The following DUSP22 variants were observed in gnomAD, a reference collection of about 807,000 sequenced individuals.
The protein encoded by DUSP22 is dual specificity protein phosphatase 22.
A neutral mutation model predicts 24.5 loss-of-function variants in DUSP22; 24 were observed. The observed-to-expected ratio is 0.98, with a 90% confidence interval of 0.71 to 1.38. The LOEUF (loss-of-function observed/expected upper bound fraction) is 1.38, where lower values mean the gene tolerates loss of function less well. Ranked by LOEUF, DUSP22 falls within the 40% of genes most tolerant of loss-of-function variation. DUSP22 has a pLI of 0.00. For missense variants in DUSP22, 330 were observed against 269.2 expected (o/e 1.23, Z -1.58); for synonymous variants, 160 against 106.4 (o/e 1.50, Z -3.10).
chr6:343,584 A>G, intron 4 of DUSP22, among the ~76,000 whole-genome samples: 1 of 119,036 alleles, frequency 8.4e-6, no homozygotes, highest in East Asian at 2.4e-4. Context: ...ATGTCAGGTC[A>G]GAGTCCGGAG....
chr6:301,152 C>A (rs1422601639), intron 1 of DUSP22, among the ~76,000 whole-genome samples: 1 of 152,308 alleles, frequency 6.6e-6, no homozygotes, highest in African/African-American at 2.4e-5. Flanking sequence ...CACCAAGACT[C>A]CCTGGGGCCA....
Position 350,529 on chromosome 6 carries a change from T to A in DUSP22, c.*1578T>A, listed in dbSNP as rs546297539. On this transcript the variant is annotated 3_prime_UTR_variant, in exon 7 of 7. Transcript: ENST00000419235. ...AGAGGGTGTGTCAAAGGTGAGCTTTTTGGGGACCGGGAAAAACAAAGTTGC... is the reference window on the plus strand; with the variant it reads ...AGAGGGTGTGTCAAAGGTGAGCTTTATGGGGACCGGGAAAAACAAAGTTGC... 9.4e-5 allele frequency: 125 copies of A among 1,330,670 alleles called. No homozygotes were observed. The African/African-American group carries it at 1.7e-3, about 18-fold the overall frequency. 82.4% of individuals were successfully genotyped at this position (1,330,670 alleles called of 1,614,324 possible).
chr6:340,676 C>T (rs1029227429), intron 4 of DUSP22, among the ~76,000 whole-genome samples: 3 of 152,302 alleles, frequency 2.0e-5, no homozygotes, highest in Non-Finnish European at 2.9e-5. Flanking sequence ...GAAGGAGGAG[C>T]ACCCTGTGTC....
At chr6:302,641 A>T (rs1757637830) in intron 1 of DUSP22, among the ~76,000 whole-genome samples, 1 of 152,308 alleles carries the variant, frequency 6.6e-6, no homozygotes, top group Non-Finnish European at 1.5e-5. Context: ...AACTTTAGCC[A>T]CTATGATACG....
At chr6:330,300 G>T (rs978014120) in intron 3 of DUSP22, among the ~76,000 whole-genome samples, 349 of 152,260 alleles carry the variant, frequency 2.3e-3, no homozygotes, top group African/African-American at 8.0e-3. Flanking sequence ...TTTTGAAGAG[G>T]CTCCTGCAGG....
chr6:317,794 C>G (rs1188893127), intron 3 of DUSP22, among the ~76,000 whole-genome samples: 1 of 152,306 alleles, frequency 6.6e-6, no homozygotes, highest in Non-Finnish European at 1.5e-5. Flanking sequence ...GGCCCCTCTG[C>G]AGATGTCTGC....
chr6:341,984 C>T (rs1306342255), intron 4 of DUSP22, among the ~76,000 whole-genome samples: 1 of 152,290 alleles, frequency 6.6e-6, no homozygotes, highest in Non-Finnish European at 1.5e-5. Flanking sequence ...AGCCCGGTTT[C>T]ATTGTGTCTG....
At chr6:302,527 T>A (rs779028365) in intron 1 of DUSP22, among the ~76,000 whole-genome samples, 2 of 152,302 alleles carry the variant, frequency 1.3e-5, no homozygotes, top group Admixed American at 6.5e-5. Context: ...GACCCCAGAG[T>A]GGTCAGGTCA....
Position 350,063 on chromosome 6 carries a change from C to G in DUSP22, c.*1112C>G. 3.0e-6 allele frequency: 3 copies of G among 985,664 alleles called. No individual in the cohort carries two copies. The highest frequency in any genetic ancestry group is 1.2e-6 in the Non-Finnish European group (1 of 830,036). 61.1% of individuals were successfully genotyped at this position (985,664 alleles called of 1,614,324 possible). A position where few individuals can be genotyped will look rare whatever the true frequency, so the allele number is the denominator to read the frequency against. ...AGCATTTATTAAGCTTCTTGGTATT[C>G]ACTTGGGTTTGATAATTGATCTGAG... On this transcript the variant is annotated 3_prime_UTR_variant, in exon 7 of 7. Transcript: ENST00000419235.
chr6:297,211 G>A (rs1757374679), intron 1 of DUSP22, among the ~76,000 whole-genome samples: 1 of 152,304 alleles, frequency 6.6e-6, no homozygotes, highest in African/African-American at 2.4e-5. Flanking sequence ...GAAACCTTAG[G>A]TGGTTAGCTA....
chr6:344,024 G>T (rs1759742957), intron 4 of DUSP22, among the ~76,000 whole-genome samples: 1 of 152,308 alleles, frequency 6.6e-6, no homozygotes, highest in South Asian at 2.1e-4. Context: ...CCATCCCGAG[G>T]TGTCAGCACT....
In DUSP22 at chr6:349,102, G is replaced by A. The variant is rs565160135; in HGVS notation, c.*151G>A. ...TCCTTCCCCCAAGCAACACCGCCCA[G>A]CCCTGCTCCAGGCCCCTGCACTCCG... is the stretch of plus-strand genomic sequence containing the variant. On this transcript the variant is annotated 3_prime_UTR_variant, in exon 7 of 7. Coordinates refer to ENST00000419235, the MANE Select transcript of DUSP22 (RefSeq NM_001286555.3). 2,681 of 1,454,392 alleles carry A rather than the reference G, an allele frequency of 1.8e-3. No individual in the cohort carries two copies. The African/African-American group carries it at 0.032, about 17-fold the overall frequency. The allele number at this position is 1,454,392 out of a possible 1,614,324, so 90.1% of individuals were successfully genotyped here.
chr6:298,220 T>C (rs1429430700), intron 1 of DUSP22, among the ~76,000 whole-genome samples: 2 of 152,312 alleles, frequency 1.3e-5, no homozygotes, highest in African/African-American at 4.8e-5. Flanking sequence ...TATTCTCATA[T>C]TCTTCCCTTT....
At position 293,029 on chromosome 6, in the gene DUSP22, G is replaced by T. The variant is rs187206905; in HGVS notation, c.21+469G>T. On this transcript the variant is annotated intron_variant, in intron 1 of 6. Coordinates refer to ENST00000419235, the MANE Select transcript of DUSP22 (RefSeq NM_001286555.3). ...TGTGTGTGCCTGTGAGCACAGAGAA[G>T]TTTTTCTTGTGGACAGAGAAGTTAA... Among the ~76,000 whole-genome samples the T allele has an allele frequency of 4.6e-5, 7 of 152,408 alleles. No homozygotes were observed. In the East Asian group the frequency reaches 9.6e-4, roughly 21 times the overall value.
In DUSP22 at chr6:349,205, G is replaced by A. The variant is rs946212310; in HGVS notation, c.*254G>A. On this transcript the variant is annotated 3_prime_UTR_variant, in exon 7 of 7. Transcript: ENST00000419235. ...AGTGGCTGTGCACTGCTCTGTGCAC[G>A]TGCGTGTGTGTGAGTGCACTTGTGT... 9.3e-5 allele frequency: 130 copies of A among 1,402,936 alleles called. No individual in the cohort carries two copies. The highest frequency in any genetic ancestry group is 2.0e-4 in the South Asian group (13 of 64,700). The allele number at this position is 1,402,936 out of a possible 1,614,324, so 86.9% of individuals were successfully genotyped here. A position where few individuals can be genotyped will look rare whatever the true frequency, so the allele number is the denominator to read the frequency against.
chr6:345,661 C>A (rs113643178), intron 4 of DUSP22, among the ~76,000 whole-genome samples, 193 bp from the exon 5 acceptor site: 527 of 152,174 alleles, frequency 3.5e-3, no homozygotes, highest in African/African-American at 0.012. Flanking sequence ...AGGTAATTAT[C>A]CTGATTTGAT....
At chr6:340,963 G>T (rs1759579262) in intron 4 of DUSP22, among the ~76,000 whole-genome samples, 1 of 152,134 alleles carries the variant, frequency 6.6e-6, no homozygotes, top group African/African-American at 2.4e-5. Flanking sequence ...CTCTCTGAAG[G>T]TCGGTAGAGC....
At chr6:312,063 G>A (rs1333419430) in intron 3 of DUSP22, 101 bp downstream of exon 3, 29 of 1,241,910 alleles carry the variant, frequency 2.3e-5, no homozygotes, top group Non-Finnish European at 3.2e-5. Flanking sequence ...CAATGCGAAC[G>A]TACTCCTGTG....
intron 3 of DUSP22, among the ~76,000 whole-genome samples, chr6:327,091 C>T (rs545749793): frequency 1.5e-4 from 23 of 152,408 alleles, no homozygotes; most frequent in African/African-American, 5.0e-4. Context: ...AGCTGTGCCC[C>T]GTGAACATGG....
Sources: gnomAD v4.1 joint callset for allele counts (sites outside exome capture counted in the v4.1 genomes callset) on GRCh38, gnomAD v4.1.1 for gene constraint, MANE v1.5 for transcripts, NCBI Gene and HGNC (gene_info 2026-07-23, HGNC 2026-07-21) for gene names.